FBXL13: variants seen among roughly 807,000 people sequenced by gnomAD.
FBXL13 encodes the protein F-box and leucine rich repeat protein 13.
FBXL13 carries 67 observed loss-of-function variants against 83.6 expected under a neutral mutation model. The observed-to-expected ratio is 0.80, with a 90% confidence interval of 0.66 to 0.98. FBXL13 has a LOEUF of 0.98. Ranked by LOEUF, FBXL13 falls within the 50% of genes least tolerant of loss-of-function variation. FBXL13 has a pLI of 0.00. For missense variants in FBXL13, 822 were observed against 866.5 expected, an observed-to-expected ratio of 0.95 and a Z score of 0.64; for synonymous variants, 272 against 299.5, an observed-to-expected ratio of 0.91 and a Z score of 0.95.
At chr7:102,986,918 TACACAC>T (rs140052493) in intron 6 of FBXL13, among the ~76,000 whole-genome samples, 262 of 148,402 alleles carry the variant, frequency 1.8e-3, no homozygotes, top group Non-Finnish European at 3.1e-3. Context: ...GAAAATGTGA[TACACAC>T]ACACACACAC....
At chr7:102,939,867 T>C (rs1194060844) in intron 8 of FBXL13, among the ~76,000 whole-genome samples, 1 of 152,068 alleles carries the variant, frequency 6.6e-6, no homozygotes, top group Non-Finnish European at 1.5e-5. Context: ...ATATGGCAAA[T>C]GGTCAATAGT....
chr7:102,835,847 G>T (rs918263706), intron 17 of FBXL13, among the ~76,000 whole-genome samples: 2 of 151,802 alleles, frequency 1.3e-5, no homozygotes, highest in Non-Finnish European at 2.9e-5. Flanking sequence ...CTGACCTCGT[G>T]ATCCGCCCGC....
At chr7:103,014,818 G>C (rs929982481) in intron 6 of FBXL13, among the ~76,000 whole-genome samples, 2 of 150,624 alleles carry the variant, frequency 1.3e-5, no homozygotes, top group African/African-American at 2.4e-5. Context: ...AGCTACTTGG[G>C]AGGCTGAGGC....
At chr7:102,967,025 G>A (rs536117704) in intron 7 of FBXL13, among the ~76,000 whole-genome samples, 101 of 151,728 alleles carry the variant, frequency 6.7e-4, no homozygotes, top group African/African-American at 2.2e-3. Flanking sequence ...GCTGGAGTGC[G>A]GTGGTGTGAT....
intron 16 of FBXL13, among the ~76,000 whole-genome samples, chr7:102,862,344 A>C (rs962463609): frequency 4.7e-5 from 7 of 150,520 alleles, no homozygotes; most frequent in Non-Finnish European, 8.9e-5. Context: ...AAAAAAAAAA[A>C]AGAAAAGAAA....
chr7:102,934,433 C>T (rs896104933), intron 8 of FBXL13: 1 of 1,614,194 alleles, frequency 6.2e-7, no homozygotes, highest in Non-Finnish European at 8.5e-7. Flanking sequence ...GATAGAAACG[C>T]TTATTTCAAT....
chr7:102,888,659 G>A (rs954437239), intron 11 of FBXL13, among the ~76,000 whole-genome samples: 5 of 152,166 alleles, frequency 3.3e-5, no homozygotes, highest in Non-Finnish European at 5.9e-5. Flanking sequence ...AAGTTGAGTA[G>A]GTAAGGAAGG....
At chr7:103,074,006 GC>G (rs913569432) in intron 1 of FBXL13, among the ~76,000 whole-genome samples, 10 of 152,278 alleles carry the variant, frequency 6.6e-5, no homozygotes, top group African/African-American at 2.4e-4. Context: ...AATGTTCTCA[GC>G]TTCCTACCCC....
chr7:102,848,825 C>T (rs535934839), intron 17 of FBXL13, among the ~76,000 whole-genome samples: 54 of 151,984 alleles, frequency 3.6e-4, no homozygotes, highest in African/African-American at 1.3e-3. Context: ...ATGGTGAAGT[C>T]GCATTTCTAC....
chr7:103,047,036 T>C (rs1269191163), intron 2 of FBXL13: 1 of 152,174 alleles, frequency 6.6e-6, no homozygotes, highest in Non-Finnish European at 1.5e-5. Flanking sequence ...GAAAATATAC[T>C]GTGGCGTAAT....
At chr7:102,960,738 T>C (rs994606400) in intron 8 of FBXL13, among the ~76,000 whole-genome samples, 14 of 151,648 alleles carry the variant, frequency 9.2e-5, no homozygotes, top group African/African-American at 3.1e-4. Context: ...AAAAACCACA[T>C]GATTATCTCA....
intron 6 of FBXL13, among the ~76,000 whole-genome samples, chr7:102,984,225 A>G (rs1238075970): frequency 6.6e-6 from 1 of 152,190 alleles, no homozygotes; most frequent in Non-Finnish European, 1.5e-5. Context: ...CTAGGAACCT[A>G]AAAACCAATT....
At chr7:102,829,295 A>T (rs544506703) in intron 18 of FBXL13, among the ~76,000 whole-genome samples, 1 of 152,264 alleles carries the variant, frequency 6.6e-6, no homozygotes, top group South Asian at 2.1e-4. Context: ...CTTTTTGCAT[A>T]TGAATGTGTC....
chr7:102,923,296 A>G (rs969755795), intron 10 of FBXL13, among the ~76,000 whole-genome samples: 1 of 152,212 alleles, frequency 6.6e-6, no homozygotes, highest in Non-Finnish European at 1.5e-5. Flanking sequence ...CAACTGAACA[A>G]TAAATCAAGC....
intron 8 of FBXL13, among the ~76,000 whole-genome samples, chr7:102,932,697 C>T (rs754525209): frequency 4.9e-4 from 74 of 152,112 alleles, no homozygotes; most frequent in Non-Finnish European, 9.4e-4. Context: ...CAGGCTCAGG[C>T]GATCCTTTCA....
At chr7:102,813,129 C>A, downstream of FBXL13, 1 of 512,726 alleles carries the variant, frequency 2.0e-6, no homozygotes, top group East Asian at 3.7e-5. Flanking sequence ...TGTGAGCCAC[C>A]GCTCCTGGCC....
chr7:102,868,058 G>A (rs529592181), intron 16 of FBXL13, among the ~76,000 whole-genome samples: 1 of 152,084 alleles, frequency 6.6e-6, no homozygotes, highest in Admixed American at 6.6e-5. Flanking sequence ...TTATTTATGG[G>A]ATACAGTGTG....
At chr7:102,843,005 C>T (rs935392874) in intron 17 of FBXL13, among the ~76,000 whole-genome samples, 3 of 152,168 alleles carry the variant, frequency 2.0e-5, no homozygotes, top group East Asian at 1.9e-4. Context: ...TCCCTTATGC[C>T]GAATCCCTCC....
intron 8 of FBXL13, among the ~76,000 whole-genome samples, chr7:102,957,718 G>T (rs977951117): frequency 6.6e-6 from 1 of 152,000 alleles, no homozygotes; most frequent in Non-Finnish European, 1.5e-5. Context: ...ATCAAAAAGT[G>T]GGCAAAGGAT....
Sources: gnomAD v4.1 joint callset for allele counts (sites outside exome capture counted in the v4.1 genomes callset) on GRCh38, gnomAD v4.1.1 for gene constraint, MANE v1.5 for transcripts, NCBI Gene and HGNC (gene_info 2026-07-23, HGNC 2026-07-21) for gene names.